Variants in SAV1 observed in about 807,000 individuals in gnomAD.
SAV1 encodes salvador family WW domain containing protein 1.
In SAV1, 23 loss-of-function variants were observed where a neutral mutation model predicts 47.3. That is an observed-to-expected ratio of 0.49 (90% CI 0.35 to 0.69). The LOEUF is 0.69. SAV1 is among the 30% of genes least tolerant of loss of function. SAV1 has a pLI of 0.01. For synonymous variants in SAV1, 155 were observed against 159.2 expected (o/e 0.97, Z 0.20); for missense variants, 448 against 457.4 (o/e 0.98, Z 0.19).
rs1255111519 is a variant in SAV1 at position 50,665,429 on chromosome 14, T to C, written c.285A>G (p.Ala95=). 6.2e-7 allele frequency: 1 copy of C among 1,613,256 alleles called. No individual in the cohort carries two copies. The change falls in exon 2 of 5, where the codon GCA becomes GCG. Residue 95 remains alanine (A), a synonymous_variant. Transcript: ENST00000324679. ...IMRRESNRLS[A]PSYLARSLAD... ...CTAGACTTCTGGCAAGATAAGAAGG[T>C]GCAGATAATCTGTTGCTTTCTCTTC...
At position 50,661,221 on chromosome 14, in the gene SAV1, C is replaced by A. The variant is rs1181201246; in HGVS notation, c.535+3958G>T. 2.0e-5 allele frequency among the ~76,000 whole-genome samples: 3 copies of A among 152,344 alleles called. No homozygotes were observed. In the East Asian group the frequency reaches 5.8e-4, roughly 29 times the overall value. On this transcript the variant is annotated intron_variant, in intron 2 of 4. Transcript: ENST00000324679. ...TTCCTTGACGATTAGTGATGTTGCA[C>A]ATTTTTTCACATACCTTTTGGCCAT...
At chr14:50,648,107 A>G (rs1209217402) in intron 2 of SAV1, among the ~76,000 whole-genome samples, 1 of 152,248 alleles carries the variant, frequency 6.6e-6, no homozygotes, top group Non-Finnish European at 1.5e-5. Context: ...CTACTCAGGA[A>G]TAAAATGGAA....
chr14:50,649,061 C>T (rs1048924239), intron 2 of SAV1, among the ~76,000 whole-genome samples: 19 of 152,126 alleles, frequency 1.2e-4, no homozygotes, highest in Admixed American at 1.1e-3. Flanking sequence ...TCTGTTCCAG[C>T]TACACTCACC....
chr14:50,645,782 T>C (rs1006841586), intron 2 of SAV1, among the ~76,000 whole-genome samples: 5 of 152,130 alleles, frequency 3.3e-5, no homozygotes, highest in African/African-American at 1.2e-4. Flanking sequence ...TATAAATTCT[T>C]AAAAGTAATC....
rs573378069 is a variant in SAV1, at chr14:50,658,662, T to C, written c.535+6517A>G. Among the ~76,000 whole-genome samples, 70 of 152,356 alleles carry C rather than the reference T, an allele frequency of 4.6e-4. 1 individual carries two copies. The highest frequency in any genetic ancestry group is 1.3e-3 in the African/African-American group (54 of 41,592). On this transcript the variant is annotated intron_variant, in intron 2 of 4. Coordinates refer to ENST00000324679, the MANE Select transcript of SAV1 (RefSeq NM_021818.4). ...ATTACAAAACAAATTTTCCAACCTT[T>C]TTATGCTTATGACAATCAAAATTCA...
intron 2 of SAV1, among the ~76,000 whole-genome samples, chr14:50,649,449 T>C (rs1364741207): frequency 6.6e-6 from 1 of 152,218 alleles, no homozygotes; most frequent in Admixed American, 6.5e-5. Flanking sequence ...AAAGACAGTG[T>C]AGTATTAGTG....
intron 2 of SAV1, among the ~76,000 whole-genome samples, chr14:50,653,268 A>T (rs760118440): frequency 6.6e-6 from 1 of 152,212 alleles, no homozygotes; most frequent in Non-Finnish European, 1.5e-5. Flanking sequence ...GGCGTTAAAA[A>T]TCCATGAGTT....
chr14:50,662,824 C>T (rs1337270466), intron 2 of SAV1: 1 of 152,184 alleles, frequency 6.6e-6, no homozygotes, highest in Non-Finnish European at 1.5e-5. Flanking sequence ...GTAAACATAG[C>T]TATTTCTGTT....
At chr14:50,635,458 GT>G (rs2039626200) in intron 4 of SAV1, 74 bp from the exon 5 acceptor site, 1 of 1,175,398 alleles carries the variant, frequency 8.5e-7, no homozygotes, top group Non-Finnish European at 1.2e-6. Flanking sequence ...AAACTAGTCT[GT>G]TTTTTAAAAT....
At chr14:50,665,679 A>G (rs2039896380) in intron 1 of SAV1, 60 bp from the exon 2 acceptor site, 1 of 1,410,004 alleles carries the variant, frequency 7.1e-7, no homozygotes, top group Non-Finnish European at 9.5e-7. Context: ...AGTTTTCGAA[A>G]TTTGTTCATT....
chr14:50,641,013 C>T, intron 3 of SAV1, 120 bp from the exon 4 acceptor site: 1 of 861,404 alleles, frequency 1.2e-6, no homozygotes, highest in Non-Finnish European at 1.7e-6. Flanking sequence ...CTGACTTACA[C>T]CACCTGAAAG....
intron 2 of SAV1, among the ~76,000 whole-genome samples, chr14:50,659,841 C>T (rs571952046): frequency 1.3e-5 from 2 of 152,048 alleles, no homozygotes; most frequent in African/African-American, 4.8e-5. Flanking sequence ...AAGATCCTGT[C>T]TCAAAAAAGA....
In SAV1 at chr14:50,668,122, C is replaced by G. The variant is rs1276241748; in HGVS notation, c.-155G>C. 1 of 379,948 alleles carries G rather than the reference C, an allele frequency of 2.6e-6. No individual in the cohort carries two copies. The highest frequency in any genetic ancestry group is 2.1e-5 in the African/African-American group (1 of 46,638). The allele number at this position is 379,948 out of a possible 1,614,324, so 23.5% of individuals were successfully genotyped here. ...CGCCTGTCCGGAGCCCGGGGTCGCC[C>G]GCAGGGACTGCCGCATGTTCAGGGC... is the stretch of plus-strand genomic sequence containing the variant. On this transcript the variant is annotated 5_prime_UTR_variant, in exon 1 of 5. Coordinates refer to ENST00000324679, the MANE Select transcript of SAV1 (RefSeq NM_021818.4).
At chr14:50,666,615 C>A (rs1156505901) in intron 1 of SAV1, among the ~76,000 whole-genome samples, 3 of 152,116 alleles carry the variant, frequency 2.0e-5, no homozygotes, top group Admixed American at 2.0e-4. Context: ...AACAAAACTG[C>A]ACGTTCTACA....
At chr14:50,640,722 A>C in intron 4 of SAV1, 28 bp downstream of exon 4, 1 of 1,593,804 alleles carries the variant, frequency 6.3e-7, no homozygotes, top group Non-Finnish European at 8.6e-7. Flanking sequence ...TCACTCCTCA[A>C]ACAAATTTGT....
intron 2 of SAV1, among the ~76,000 whole-genome samples, chr14:50,650,058 T>C (rs2039754379): frequency 6.6e-6 from 1 of 152,210 alleles, no homozygotes; most frequent in Non-Finnish European, 1.5e-5. Context: ...TGACAAAAGG[T>C]AATTTAGAAG....
chr14:50,665,027 A>AT, intron 2 of SAV1, 152 bp downstream of exon 2: 1 of 995,456 alleles, frequency 1.0e-6, no homozygotes, highest in Non-Finnish European at 1.4e-6. Flanking sequence ...ATTAACAACT[A>AT]TTTGCACACA....
intron 2 of SAV1, among the ~76,000 whole-genome samples, chr14:50,647,639 A>G (rs1193012941): frequency 6.6e-6 from 1 of 152,224 alleles, no homozygotes; most frequent in East Asian, 1.9e-4. Context: ...TTTAACAGGC[A>G]CTTCACCGAA....
At chr14:50,651,300 T>C (rs1769438355) in intron 2 of SAV1, among the ~76,000 whole-genome samples, 1 of 152,260 alleles carries the variant, frequency 6.6e-6, no homozygotes, top group African/African-American at 2.4e-5. Context: ...TTTACATATA[T>C]ATGTAATTTG....
Sources: gnomAD v4.1 joint callset for allele counts (sites outside exome capture counted in the v4.1 genomes callset) on GRCh38, gnomAD v4.1.1 for gene constraint, MANE v1.5 for transcripts, NCBI Gene and HGNC (gene_info 2026-07-23, HGNC 2026-07-21) for gene names.